CWC22: variants seen among roughly 807,000 people sequenced by gnomAD.
CWC22 encodes the protein pre-mRNA-splicing factor CWC22 homolog.
A neutral mutation model predicts 117.2 loss-of-function variants in CWC22; 53 were observed. The ratio of observed to expected loss-of-function variants is 0.45; its 90% CI spans 0.36 to 0.57. The LOEUF (loss-of-function observed/expected upper bound fraction) is 0.57, where lower values mean the gene tolerates loss of function less well. CWC22 is among the 20% of genes least tolerant of loss of function. CWC22 has a pLI of 0.00. For synonymous variants in CWC22, 360 were observed against 355.6 expected (o/e 1.01, Z -0.14); for missense variants, 980 against 1,068.8 (o/e 0.92, Z 1.16).
In CWC22 at chr2:179,981,875, T is replaced by G; in HGVS notation, c.329A>C (p.Gln110Pro). The G allele has an allele frequency of 6.2e-7, 1 of 1,612,238 alleles. No homozygotes were observed. The highest frequency in any genetic ancestry group is 1.7e-5 in the Admixed American group (1 of 59,778). ...ETSVTQSSSAQDEPATKKKKD... is the reference protein window; with the variant it reads ...ETSVTQSSSAPDEPATKKKKD... Reference sequence around the variant, plus strand: ...CTTTTTCTTTGTAGCAGGTTCATCCTGAGCAGAGGAACTCTGAGTTACTGA... The same window carrying G: ...CTTTTTCTTTGTAGCAGGTTCATCCGGAGCAGAGGAACTCTGAGTTACTGA... The change falls in exon 5 of 20, where the codon CAG (glutamine) becomes CCG (proline). Residue 110 changes from glutamine to proline, a missense_variant. Physicochemically the swap from Gln to Pro is moderately conservative, Grantham distance 76 (BLOSUM62 -1). Coordinates refer to ENST00000410053, the MANE Select transcript of CWC22 (RefSeq NM_020943.3).
chr2:179,951,552 AT>A (rs774131632), intron 17 of CWC22, among the ~76,000 whole-genome samples: 77 of 152,154 alleles, frequency 5.1e-4, no homozygotes, highest in Admixed American at 5.9e-4. Context: ...AAGAAGAATG[AT>A]TAAGAGTTTC....
intron 6 of CWC22, among the ~76,000 whole-genome samples, chr2:179,977,144 A>AC (rs1559292479): frequency 6.6e-6 from 1 of 151,900 alleles, no homozygotes; most frequent in Non-Finnish European, 1.5e-5. Context: ...ATAAAGCAAG[A>AC]CCCCCATCTC....
chr2:179,970,620 C>T, intron 10 of CWC22, 30 bp downstream of exon 10: 1 of 1,599,592 alleles, frequency 6.3e-7, no homozygotes. Flanking sequence ...GTTGGTAAGC[C>T]TCTTTCCAAC....
intron 17 of CWC22, 85 bp downstream of exon 17, chr2:179,952,386 T>C: frequency 3.2e-6 from 3 of 945,218 alleles, no homozygotes; most frequent in Non-Finnish European, 4.3e-6. Flanking sequence ...CTCTTGTTTT[T>C]ACAGTCTCGG....
intron 1 of CWC22, among the ~76,000 whole-genome samples, chr2:180,002,588 A>G (rs1158882344): frequency 2.0e-5 from 3 of 152,218 alleles, no homozygotes; most frequent in Admixed American, 2.0e-4. Flanking sequence ...GTGGGGAGAT[A>G]TATACATTAC....
chr2:179,947,303 A>G (rs1336945585), intron 19 of CWC22, among the ~76,000 whole-genome samples: 1 of 152,170 alleles, frequency 6.6e-6, no homozygotes, highest in Non-Finnish European at 1.5e-5. Flanking sequence ...AGCTGCAGCT[A>G]CCCAAGCAGA....
At chr2:179,982,066 C>T in intron 4 of CWC22, 69 bp from the exon 5 acceptor site, 1 of 807,452 alleles carries the variant, frequency 1.2e-6, no homozygotes, top group East Asian at 2.7e-5. Context: ...TAACTGCACA[C>T]AAATGAGTGA....
intron 19 of CWC22, among the ~76,000 whole-genome samples, chr2:179,948,192 T>C (rs79637495): frequency 5.9e-5 from 9 of 152,142 alleles, no homozygotes; most frequent in African/African-American, 2.2e-4. Flanking sequence ...GAACTCCTAA[T>C]TGCCAAAGCT....
intron 5 of CWC22, 115 bp downstream of exon 5, chr2:179,981,637 T>A: frequency 1.3e-6 from 1 of 781,176 alleles, no homozygotes; most frequent in Admixed American, 2.7e-5. Flanking sequence ...TAATTTGAGG[T>A]CTCTATCACT....
At chr2:179,954,548 A>T (rs1686533948) in intron 15 of CWC22, among the ~76,000 whole-genome samples, 191 bp from the exon 16 acceptor site, 1 of 152,082 alleles carries the variant, frequency 6.6e-6, no homozygotes. Context: ...TAATTACCTG[A>T]GATTTACATG....
intron 6 of CWC22, among the ~76,000 whole-genome samples, chr2:179,977,875 T>C (rs1687190222): frequency 6.6e-6 from 1 of 152,174 alleles, no homozygotes; most frequent in Non-Finnish European, 1.5e-5. Context: ...ATTAAATTAG[T>C]TTGAGGTAGT....
At chr2:179,948,317 A>T (rs949569441) in intron 19 of CWC22, among the ~76,000 whole-genome samples, 5 of 152,270 alleles carry the variant, frequency 3.3e-5, no homozygotes, top group African/African-American at 1.2e-4. Context: ...ATGAGGGAAG[A>T]GGGACAATAC....
intron 17 of CWC22, 134 bp downstream of exon 17, chr2:179,952,337 A>G (rs1359421470): frequency 2.0e-6 from 1 of 511,156 alleles, no homozygotes; most frequent in Non-Finnish European, 3.1e-6. Flanking sequence ...CATGAAATTC[A>G]CAGTGATTAA....
chr2:179,981,978 G>A lies in CWC22; in HGVS notation c.226C>T (p.Arg76Cys), dbSNP rs764714785. The change falls in exon 5 of 20, where the codon CGC becomes TGC. Residue 76 changes from arginine (R) to cysteine (C), a missense_variant. Arg to Cys is a radical substitution (Grantham distance 180). Transcript: ENST00000410053. ...TCCGTATCTCTTTCTCTTTCTCTGCGTTTTTCTCGGTCCCTGTTTCTGTAA... is the reference window on the plus strand; with the variant it reads ...TCCGTATCTCTTTCTCTTTCTCTGCATTTTTCTCGGTCCCTGTTTCTGTAA... Reference protein sequence around the residue: ...MESRNRDREKRRERERDTDRK... With the variant: ...MESRNRDREKCRERERDTDRK... 6.5e-6 allele frequency: 10 copies of A among 1,540,078 alleles called. No individual in the cohort carries two copies. Among genetic ancestry groups the A allele is most frequent in the South Asian group, 1.2e-5 (1 of 83,712 alleles).
intron 1 of CWC22, among the ~76,000 whole-genome samples, chr2:179,997,997 C>CAT (rs1184334086): frequency 1.3e-5 from 2 of 152,146 alleles, no homozygotes; most frequent in African/African-American, 4.8e-5. Context: ...ATTACTTGTA[C>CAT]ATATATTGGG....
Position 179,945,488 on chromosome 2 carries a change from C to A in CWC22, c.2368G>T (p.Val790Phe), listed in dbSNP as rs1298314664. 2 of 1,612,914 alleles carry A rather than the reference C, an allele frequency of 1.2e-6. No individual in the cohort carries two copies. Among genetic ancestry groups the A allele is most frequent in the Admixed American group, 3.3e-5 (2 of 59,996 alleles). The change falls in exon 20 of 20, where the codon GTT (valine) becomes TTT (phenylalanine). Residue 790 changes from valine to phenylalanine, a missense_variant. Transcript: ENST00000410053. ...CTGTAGTTATTTCGTTCAGAAGGAA[C>A]ATCTTTGTCTGATGTGTACTTTGTT... Reference protein sequence around the residue: ...PITKYTSDKDVPSERNNYSRV... With the variant: ...PITKYTSDKDFPSERNNYSRV...
intron 14 of CWC22, among the ~76,000 whole-genome samples, chr2:179,957,670 G>A (rs1239968367): frequency 2.6e-5 from 4 of 152,078 alleles, no homozygotes; most frequent in African/African-American, 9.7e-5. Context: ...AGACCTAGAA[G>A]AACTAGAAAC....
intron 15 of CWC22, among the ~76,000 whole-genome samples, 195 bp downstream of exon 15, chr2:179,954,762 T>C (rs753465081): frequency 6.6e-6 from 1 of 152,030 alleles, no homozygotes; most frequent in Non-Finnish European, 1.5e-5. Flanking sequence ...AAAAGTGATA[T>C]GCAAAGTTAA....
intron 19 of CWC22, among the ~76,000 whole-genome samples, chr2:179,946,552 T>A (rs1307803117): frequency 6.6e-6 from 1 of 151,836 alleles, no homozygotes; most frequent in Non-Finnish European, 1.5e-5. Flanking sequence ...ATCTCGAGAT[T>A]TAAGACAGTA....
Sources: gnomAD v4.1 joint callset for allele counts (sites outside exome capture counted in the v4.1 genomes callset) on GRCh38, gnomAD v4.1.1 for gene constraint, MANE v1.5 for transcripts, NCBI Gene and HGNC (gene_info 2026-07-23, HGNC 2026-07-21) for gene names.